Variants in COLQ observed in about 807,000 individuals in gnomAD.
COLQ encodes the protein acetylcholinesterase collagenic tail peptide.
COLQ carries 48 observed loss-of-function variants against 69.0 expected under a neutral mutation model. The observed-to-expected ratio is 0.70, with a 90% CI of 0.55 to 0.88. The LOEUF (loss-of-function observed/expected upper bound fraction) is 0.88. Among genes scored for constraint, COLQ ranks in the 40% least tolerant of loss-of-function variants. The pLI is 0.00. For synonymous variants in COLQ, 217 were observed against 211.2 expected (o/e 1.03, Z -0.24); for missense variants, 618 against 594.6 (o/e 1.04, Z -0.41).
intron 5 of COLQ, 67 bp from the exon 6 acceptor site, chr3:15,477,264 T>C: frequency 6.9e-7 from 1 of 1,445,680 alleles, no homozygotes; most frequent in Non-Finnish European, 9.5e-7. Flanking sequence ...AAATATGTTT[T>C]GTCTCTGGGG....
intron 10 of COLQ, among the ~76,000 whole-genome samples, chr3:15,471,452 T>TA (rs1273836673): frequency 6.6e-6 from 1 of 152,220 alleles, no homozygotes; most frequent in African/African-American, 2.4e-5. Context: ...CAGCCCCACT[T>TA]ACTATTTCTT....
chr3:15,504,363 C>G lies in COLQ; in HGVS notation c.107-14726G>C, dbSNP rs182605915. Among the ~76,000 whole-genome samples, 91 of 152,240 alleles carry G rather than the reference C, an allele frequency of 6.0e-4. 3 individuals carry two copies. In the East Asian group the frequency reaches 7.1e-3, roughly 12 times the overall value. ...CCAAGGTGTGGCTGGTTTGTTTTCTCCTGAGGCCTCTCTCTTTGGCTTGGG... is the reference window on the plus strand; with the variant it reads ...CCAAGGTGTGGCTGGTTTGTTTTCTGCTGAGGCCTCTCTCTTTGGCTTGGG... On this transcript the variant is annotated intron_variant, in intron 1 of 16. Transcript: ENST00000383788.
chr3:15,458,188 C>G lies in COLQ; in HGVS notation c.952G>C (p.Val318Leu). 3 of 1,613,586 alleles carry G rather than the reference C, an allele frequency of 1.9e-6. No homozygotes were observed. Among genetic ancestry groups the G allele is most frequent in the Non-Finnish European group, 1.7e-6 (2 of 1,180,024 alleles). Residue 318 changes from valine to leucine, a missense_variant and splice_region_variant, in exon 13 of 17, where the codon GTG (valine) becomes CTG (leucine). Physicochemically the swap from Val to Leu is conservative, Grantham distance 32. Coordinates refer to ENST00000383788, the MANE Select transcript of COLQ (RefSeq NM_005677.4). Reference sequence around the variant, plus strand: ...AGACTTCTCCCAGAAAGCCTTACCACAGGAACTCGCGGGGAACTGGGCCCA... The same window carrying G: ...AGACTTCTCCCAGAAAGCCTTACCAGAGGAACTCGCGGGGAACTGGGCCCA... The part of the protein sequence containing the change: ...VYGPSSPRVP[V>L]IFVVNNQEEL...
At chr3:15,511,598 G>A (rs2062985789) in intron 1 of COLQ, among the ~76,000 whole-genome samples, 1 of 152,160 alleles carries the variant, frequency 6.6e-6, no homozygotes, top group Non-Finnish European at 1.5e-5. Context: ...AGAGACAGGG[G>A]ACTCCTGTGT....
At chr3:15,462,191 G>T (rs534473177) in intron 12 of COLQ, among the ~76,000 whole-genome samples, 117 of 152,066 alleles carry the variant, frequency 7.7e-4, no homozygotes, top group African/African-American at 2.4e-3. Context: ...ACCATGCCCG[G>T]CTAATTTTTG....
rs10546993 is a variant in COLQ at position 15,510,858 on chromosome 3, A to AGAAGGAAGGAAGGAAGGAAG, written c.106+10642_106+10661dup. 4.8e-4 allele frequency among the ~76,000 whole-genome samples: 70 copies of AGAAGGAAGGAAGGAAGGAAG among 146,714 alleles called. 3 individuals carry two copies. The East Asian group carries it at 5.6e-3, about 12-fold the overall frequency. The stretch of plus-strand genomic sequence containing the variant: ...AGGAAGGGAGGGAGAGAGGAAGGAA[A>AGAAGGAAGGAAGGAAGGAAG]GAAGGAAGGAAGGAAGGAAGGAAGG... On this transcript the variant is annotated intron_variant, in intron 1 of 16. Coordinates refer to ENST00000383788, the MANE Select transcript of COLQ (RefSeq NM_005677.4).
rs146810511 is a variant in COLQ at position 15,456,804 on chromosome 3, C to T, written c.955-225G>A. On this transcript the variant is annotated intron_variant, in intron 13 of 16. Coordinates refer to ENST00000383788, the MANE Select transcript of COLQ (RefSeq NM_005677.4). Reference sequence around the variant, plus strand: ...TGAGTTTGAAACTAAAATATTCACTCGGATTTAACTTTTTTTTCTTTTTTT... The same window carrying T: ...TGAGTTTGAAACTAAAATATTCACTTGGATTTAACTTTTTTTTCTTTTTTT... Among the ~76,000 whole-genome samples the T allele has an allele frequency of 2.7e-3, 406 of 148,440 alleles. 1 individual carries two copies. The highest frequency in any genetic ancestry group is 3.2e-3 in the African/African-American group (129 of 40,706).
rs2062731689 is a variant in COLQ, at chr3:15,495,292, A to G, written c.107-5655T>C. ...TCTCAGTTAGAGGATGCTGGGAAGG[A>G]CTGATCCTAGGGTTGGGGATTTTGC... On this transcript the variant is annotated intron_variant, in intron 1 of 16. Coordinates refer to ENST00000383788, the MANE Select transcript of COLQ (RefSeq NM_005677.4). 3.3e-5 allele frequency among the ~76,000 whole-genome samples: 5 copies of G among 152,292 alleles called. No individual in the cohort carries two copies. The South Asian group carries it at 1.0e-3, about 32-fold the overall frequency.
intron 1 of COLQ, among the ~76,000 whole-genome samples, chr3:15,492,202 A>C (rs2062678721): frequency 6.6e-6 from 1 of 152,226 alleles, no homozygotes; most frequent in Non-Finnish European, 1.5e-5. Context: ...AGCTCAAATA[A>C]AGATTATGGT....
chr3:15,500,923 A>G (rs893963586), intron 1 of COLQ, among the ~76,000 whole-genome samples: 1 of 151,998 alleles, frequency 6.6e-6, no homozygotes, highest in African/African-American at 2.4e-5. Flanking sequence ...GTGGGTCTGG[A>G]TTTTTCTAGA....
chr3:15,496,794 AC>A (rs2062752602), intron 1 of COLQ, among the ~76,000 whole-genome samples: 1 of 152,134 alleles, frequency 6.6e-6, no homozygotes, highest in Admixed American at 6.5e-5. Flanking sequence ...TGCCCTTTGG[AC>A]TCAATACCCA....
chr3:15,467,879 G>A (rs756811121), intron 11 of COLQ: 10 of 456,636 alleles, frequency 2.2e-5, no homozygotes, highest in Non-Finnish European at 2.6e-5. Context: ...ACTGGGGGCC[G>A]TCTTGGTAAT....
At chr3:15,479,450 T>A in intron 3 of COLQ, 68 bp from the exon 4 acceptor site, 1 of 1,440,698 alleles carries the variant, frequency 6.9e-7, no homozygotes. Flanking sequence ...GTGAGGCTCT[T>A]GGTGCACTGG....
chr3:15,518,397 C>T (rs796723942), intron 1 of COLQ, among the ~76,000 whole-genome samples: 4 of 152,204 alleles, frequency 2.6e-5, no homozygotes, highest in Non-Finnish European at 5.9e-5. Context: ...TTTCAAGTCA[C>T]GGACTATCTA....
At chr3:15,479,078 T>G (rs2062431493) in intron 4 of COLQ, 75 bp from the exon 5 acceptor site, 2 of 1,576,640 alleles carry the variant, frequency 1.3e-6, no homozygotes, top group Non-Finnish European at 1.7e-6. Context: ...TTAGTAGAGC[T>G]GATGACTGGG....
chr3:15,485,510 T>G (rs1361006222), intron 3 of COLQ, among the ~76,000 whole-genome samples: 2 of 152,218 alleles, frequency 1.3e-5, no homozygotes, highest in Non-Finnish European at 2.9e-5. Flanking sequence ...TCGGCTGTCT[T>G]GGAACCTCCC....
At chr3:15,510,658 C>A (rs2062972507) in intron 1 of COLQ, among the ~76,000 whole-genome samples, 1 of 150,872 alleles carries the variant, frequency 6.6e-6, no homozygotes, top group Non-Finnish European at 1.5e-5. Flanking sequence ...CTGTAGTGAG[C>A]CGTGATTGCC....
chr3:15,490,815 CTTG>C, intron 1 of COLQ, among the ~76,000 whole-genome samples: 1 of 152,234 alleles, frequency 6.6e-6, no homozygotes, highest in Non-Finnish European at 1.5e-5. Context: ...TGGAAAATTG[CTTG>C]TTATCTTCTA....
At chr3:15,470,170 A>G (rs1206294149) in intron 11 of COLQ, among the ~76,000 whole-genome samples, 1 of 152,222 alleles carries the variant, frequency 6.6e-6, no homozygotes, top group Non-Finnish European at 1.5e-5. Context: ...GCTCATTTTT[A>G]AAACTTCATT....
Sources: allele counts gnomAD v4.1 joint callset (sites outside exome capture counted in the v4.1 genomes callset), GRCh38; gene constraint gnomAD v4.1.1; transcripts MANE v1.5; gene names NCBI Gene and HGNC (gene_info 2026-07-23, HGNC 2026-07-21).